MARS1: variants seen among roughly 807,000 people sequenced by gnomAD.
The protein encoded by MARS1 is methionyl-tRNA synthetase 1, also known as methionine--tRNA ligase, cytoplasmic.
In MARS1, 80 loss-of-function variants were observed where a neutral mutation model predicts 119.5. The observed-to-expected ratio is 0.67, with a 90% CI of 0.56 to 0.81. The LOEUF (loss-of-function observed/expected upper bound fraction) is 0.81. Ranked by LOEUF, MARS1 falls within the 30% of genes least tolerant of loss-of-function variation. MARS1 has a pLI of 0.00. For synonymous variants in MARS1, 418 were observed against 433.4 expected (o/e 0.96, Z 0.44); for missense variants, 945 against 1,116.5 (o/e 0.85, Z 2.19).
At chr12:57,488,612 C>A (rs1875657532) in intron 1 of MARS1, 2 of 1,551,078 alleles carry the variant, frequency 1.3e-6, no homozygotes, top group Non-Finnish European at 8.7e-7. Flanking sequence ...TTCTGTTTAC[C>A]TCTTCTCATT....
intron 10 of MARS1, among the ~76,000 whole-genome samples, chr12:57,501,126 CA>C (rs1876897554): frequency 6.6e-6 from 1 of 152,098 alleles, no homozygotes; most frequent in Admixed American, 6.5e-5. Context: ...GCAAGCCAGG[CA>C]ATAAGAGGTT....
intron 11 of MARS1, among the ~76,000 whole-genome samples, chr12:57,509,841 A>G (rs1043265614): frequency 1.3e-5 from 2 of 152,172 alleles, no homozygotes; most frequent in African/African-American, 4.8e-5. Context: ...CTGGTTCTCA[A>G]TAGGCATCAG....
intron 20 of MARS1, 46 bp from the exon 21 acceptor site, chr12:57,516,389 T>A (rs763193446): frequency 1.2e-6 from 2 of 1,611,808 alleles, no homozygotes; most frequent in East Asian, 4.5e-5. Context: ...CCTAAATAGA[T>A]CTTTTTCTTG....
At chr12:57,495,593 C>T (rs570524333) in intron 7 of MARS1, among the ~76,000 whole-genome samples, 61 of 152,012 alleles carry the variant, frequency 4.0e-4, no homozygotes, top group Middle Eastern at 6.8e-3. Flanking sequence ...ACTTCCCAGA[C>T]GGGGTGGCGG....
At chr12:57,500,038 G>T in intron 9 of MARS1, 1 of 409,198 alleles carries the variant, frequency 2.4e-6, no homozygotes, top group Non-Finnish European at 4.6e-6. Context: ...TCCTATTGGA[G>T]ATTTTTGTTA....
Position 57,493,504 on chromosome 12 carries a change from A to T in MARS1, c.770+2860A>T. Among the ~76,000 whole-genome samples, 2 of 12,202 alleles carry T rather than the reference A, an allele frequency of 1.6e-4. 1 individual carries two copies. The highest frequency in any genetic ancestry group is 3.0e-4 in the Non-Finnish European group (2 of 6,700). The allele number at this position is 12,202 out of a possible 152,430, so 8.0% of individuals were successfully genotyped here. On this transcript the variant is annotated intron_variant, in intron 7 of 20. Coordinates refer to ENST00000262027, the MANE Select transcript of MARS1 (RefSeq NM_004990.4). ...TATAATATATAATATATTATAATAT[A>T]TAATATATAATATATAATATATTAT...
intron 14 of MARS1, 59 bp from the exon 15 acceptor site, chr12:57,512,692 C>A: frequency 1.5e-6 from 2 of 1,315,770 alleles, no homozygotes; most frequent in Non-Finnish European, 2.2e-6. Flanking sequence ...AGTTAGTGGG[C>A]TAGAGAGGGG....
chr12:57,498,290 G>T lies in MARS1; in HGVS notation c.887+17G>T, dbSNP rs201259473. The stretch of plus-strand genomic sequence containing the variant: ...CTTTGCCAGGTGGAGCCAGCTGCTC[G>T]GGGAGAGACCTCCTAAGGGAAGGGC... On this transcript the variant is annotated intron_variant, in intron 8 of 20. Coordinates refer to ENST00000262027, the MANE Select transcript of MARS1 (RefSeq NM_004990.4). 3.7e-6 allele frequency: 6 copies of T among 1,608,774 alleles called. No individual in the cohort carries two copies. The highest frequency in any genetic ancestry group is 5.1e-6 in the Non-Finnish European group (6 of 1,175,160).
intron 1 of MARS1, chr12:57,488,502 T>TCCC: frequency 7.0e-7 from 1 of 1,426,950 alleles, no homozygotes; most frequent in Non-Finnish European, 9.6e-7. Context: ...CTATCAGGCA[T>TCCC]CCCCCTCTGC....
Position 57,515,069 on chromosome 12 carries a change from G to A in MARS1, c.2204+11G>A, listed in dbSNP as rs202080192. ...CAGTGAGGCTGACAGGTAGGTAAGC[G>A]GGGAGGGTTGGCTAAAGGCATAAAG... On this transcript the variant is annotated intron_variant, in intron 17 of 20. Transcript: ENST00000262027. 3.7e-3 allele frequency: 5,896 copies of A among 1,614,082 alleles called. 22 individuals are homozygous for A. The highest frequency in any genetic ancestry group is 4.6e-3 in the Non-Finnish European group (5,414 of 1,179,950).
intron 1 of MARS1, chr12:57,488,564 A>C: frequency 6.5e-7 from 1 of 1,549,038 alleles, no homozygotes. Flanking sequence ...GTTCTTAGGA[A>C]ATCCCTCTCT....
At chr12:57,509,071 A>C (rs994780828) in intron 11 of MARS1, among the ~76,000 whole-genome samples, 2 of 151,796 alleles carry the variant, frequency 1.3e-5, no homozygotes, top group African/African-American at 4.8e-5. Flanking sequence ...AGACTCATGG[A>C]TTCCTATTTT....
chr12:57,511,679 T>A lies in MARS1; in HGVS notation c.1369-19T>A. 6.2e-7 allele frequency: 1 copy of A among 1,613,756 alleles called. No homozygotes were observed. On this transcript the variant is annotated intron_variant, in intron 11 of 20. Coordinates refer to ENST00000262027, the MANE Select transcript of MARS1 (RefSeq NM_004990.4). ...ATATGAGACTTTCCTAAATCAGCCC[T>A]CTTTCTCCGTTATCTCAGCTGGAGA...
Position 57,500,429 on chromosome 12 carries a change from C to T in MARS1, c.1200C>T (p.Phe400=), listed in dbSNP as rs770827674. 8.7e-6 allele frequency: 14 copies of T among 1,613,996 alleles called. No homozygotes were observed. Among genetic ancestry groups the T allele is most frequent in the African/African-American group, 5.3e-5 (4 of 74,900 alleles). ...EHCARFLADR[F]VEGVCPFCGY... ...GTGCTCGCTTCCTGGCTGACCGCTT[C>T]GTGGAGGGCGTGTGTCCCTTCTGTG... Residue 400 remains phenylalanine, a synonymous_variant, in exon 10 of 21, where the codon TTC becomes TTT. Coordinates refer to ENST00000262027, the MANE Select transcript of MARS1 (RefSeq NM_004990.4).
chr12:57,513,892 G>A (rs898529920), intron 15 of MARS1, among the ~76,000 whole-genome samples: 2 of 148,760 alleles, frequency 1.3e-5, no homozygotes, highest in Non-Finnish European at 3.0e-5. Flanking sequence ...GTGAAACCCC[G>A]TCTCCACTAA....
chr12:57,501,820 T>TAAA (rs76780434), intron 10 of MARS1, among the ~76,000 whole-genome samples: 2 of 121,334 alleles, frequency 1.6e-5, no homozygotes, highest in Non-Finnish European at 3.5e-5. Context: ...AGACTCTGTC[T>TAAA]AAAAAAAAAA....
chr12:57,495,003 T>C (rs1481843613), intron 7 of MARS1, among the ~76,000 whole-genome samples: 1 of 152,212 alleles, frequency 6.6e-6, no homozygotes, highest in Non-Finnish European at 1.5e-5. Context: ...CATGGCCCGT[T>C]CTCAGTGAGC....
chr12:57,512,202 T>A (rs867741649), intron 13 of MARS1, 34 bp from the exon 14 acceptor site: 2 of 1,598,798 alleles, frequency 1.3e-6, no homozygotes, highest in Middle Eastern at 1.7e-4. Context: ...TTGAAGGAGG[T>A]CTCAGGAAAT....
chr12:57,505,563 C>T (rs538395266), intron 11 of MARS1, among the ~76,000 whole-genome samples: 2 of 152,166 alleles, frequency 1.3e-5, no homozygotes, highest in South Asian at 4.1e-4. Context: ...GTAATCCTAG[C>T]ACTTTAGGAG....
Sources: gnomAD v4.1 joint callset for allele counts (sites outside exome capture counted in the v4.1 genomes callset) on GRCh38, gnomAD v4.1.1 for gene constraint, MANE v1.5 for transcripts, NCBI Gene and HGNC (gene_info 2026-07-23, HGNC 2026-07-21) for gene names.